Variants in RAF1 observed in about 807,000 individuals in gnomAD.
The protein encoded by RAF1 is RAF proto-oncogene serine/threonine-protein kinase.
RAF1 carries 27 observed loss-of-function variants against 81.1 expected under a neutral mutation model. The ratio of observed to expected loss-of-function variants is 0.33; its 90% confidence interval spans 0.25 to 0.46. The LOEUF is 0.46. Ranked by LOEUF, RAF1 falls within the 20% of genes least tolerant of loss-of-function variation. The probability of loss-of-function intolerance (pLI) is 1.00; values close to 1 mark genes in which losing one functional copy is unlikely to be tolerated. For missense variants in RAF1, 598 were observed against 826.0 expected, an observed-to-expected ratio of 0.72 and a Z score of 3.38; for synonymous variants, 298 against 294.0, an observed-to-expected ratio of 1.01 and a Z score of -0.14.
At chr3:12,610,193 A>C (rs1396523647) in intron 3 of RAF1, among the ~76,000 whole-genome samples, 1 of 152,226 alleles carries the variant, frequency 6.6e-6, no homozygotes, top group African/African-American at 2.4e-5. Context: ...TTCCAAAGGA[A>C]GAATATTCTC....
intron 1 of RAF1, among the ~76,000 whole-genome samples, chr3:12,620,558 T>C (rs1298280211): frequency 2.0e-5 from 3 of 152,046 alleles, no homozygotes; most frequent in African/African-American, 7.2e-5. Flanking sequence ...GCAGCTTCAA[T>C]TTTCCAGGCT....
chr3:12,583,813 C>T lies in RAF1; in HGVS notation c.*701G>A, dbSNP rs1189279296. On this transcript the variant is annotated 3_prime_UTR_variant, in exon 18 of 18. Coordinates refer to ENST00000442415, the MANE Select transcript of RAF1 (RefSeq NM_001354689.3). Reference sequence around the variant, plus strand: ...AGAAACAAGGCTGGCCCTGCGGCCCCGCCCCATAGGGGCAGCTCCTGGAAG... The same window carrying T: ...AGAAACAAGGCTGGCCCTGCGGCCCTGCCCCATAGGGGCAGCTCCTGGAAG... The T allele has an allele frequency of 3.9e-5, 9 of 233,638 alleles. No individual in the cohort carries two copies. Among genetic ancestry groups the T allele is most frequent in the Non-Finnish European group, 7.6e-5 (9 of 118,388 alleles). The allele number at this position is 233,638 out of a possible 1,614,324, so 14.5% of individuals were successfully genotyped here. A position where few individuals can be genotyped will look rare whatever the true frequency, so the allele number is the denominator to read the frequency against.
chr3:12,587,154 A>G (rs1314554325), intron 14 of RAF1: 2 of 178,024 alleles, frequency 1.1e-5, no homozygotes, highest in East Asian at 3.0e-4. Context: ...TTAATTAGTG[A>G]TTTTGGAAAC....
chr3:12,645,081 G>C (rs1475879665), intron 1 of RAF1, among the ~76,000 whole-genome samples: 2 of 128,488 alleles, frequency 1.6e-5, no homozygotes, highest in African/African-American at 6.2e-5. Flanking sequence ...CCTGGTGACA[G>C]AGCGAGACTC....
intron 1 of RAF1, among the ~76,000 whole-genome samples, chr3:12,657,976 G>A (rs1340630487): frequency 1.3e-5 from 2 of 151,972 alleles, no homozygotes; most frequent in African/African-American, 2.4e-5. Context: ...TCCTATTCTG[G>A]ACATTACATA....
chr3:12,623,003 T>TA lies in RAF1; in HGVS notation c.-26-4257dup, dbSNP rs906661079. Among the ~76,000 whole-genome samples, 21 of 151,070 alleles carry TA rather than the reference T, an allele frequency of 1.4e-4. 1 individual carries two copies. Among genetic ancestry groups the TA allele is most frequent in the South Asian group, 1.3e-3 (6 of 4,792 alleles). On this transcript the variant is annotated intron_variant, in intron 1 of 17. Transcript: ENST00000442415. ...CACAGCAAGACCCCATTTCTAAATT[T>TA]AAAAAAAAAATTTTAATTACAAAAA...
intron 11 of RAF1, 87 bp from the exon 11 acceptor site, chr3:12,591,879 A>G (rs1007773877): frequency 1.9e-6 from 2 of 1,054,932 alleles, no homozygotes; most frequent in Non-Finnish European, 3.0e-6. Flanking sequence ...ACAGTGAATC[A>G]TTTATCCAAA....
intron 1 of RAF1, among the ~76,000 whole-genome samples, chr3:12,631,477 T>TA (rs1367685440): frequency 3.9e-5 from 6 of 152,120 alleles, no homozygotes; most frequent in Non-Finnish European, 5.9e-5. Context: ...CGGGCGCCTG[T>TA]AGCCCCAGCT....
intron 11 of RAF1, among the ~76,000 whole-genome samples, chr3:12,593,430 G>A (rs746891831): frequency 5.2e-5 from 7 of 134,022 alleles, no homozygotes; most frequent in South Asian, 2.6e-4. Flanking sequence ...TGGTCCTCAC[G>A]ATAGGCCCAA....
intron 1 of RAF1, among the ~76,000 whole-genome samples, chr3:12,642,266 C>T (rs973333913): frequency 1.3e-5 from 2 of 150,178 alleles, no homozygotes; most frequent in Admixed American, 6.7e-5. Context: ...CTGGCTAACA[C>T]GGTGAAACCC....
Position 12,585,263 on chromosome 3 carries a change from T to C in RAF1, c.1597-10A>G. ...GGATCACCTCTGGGGCCTACATGTA[T>C]CACCATATGACAAAAGTGCATTTAT... On this transcript the variant is annotated splice_polypyrimidine_tract_variant and intron_variant, in intron 15 of 17. Coordinates refer to ENST00000442415, the MANE Select transcript of RAF1 (RefSeq NM_001354689.3). 6.2e-7 allele frequency: 1 copy of C among 1,613,954 alleles called. No homozygotes were observed. The highest frequency in any genetic ancestry group is 8.5e-7 in the Non-Finnish European group (1 of 1,180,002).
rs748933387 is a variant in RAF1 at position 12,618,741 on chromosome 3, C to T, written c.-20G>A. On this transcript the variant is annotated 5_prime_UTR_variant, in exon 2 of 18. Coordinates refer to ENST00000442415, the MANE Select transcript of RAF1 (RefSeq NM_001354689.3). Reference sequence around the variant, plus strand: ...CTCCATTGATGCAGCTTAAACAATTCTTAAACCTGGTAAGAAACACAAATA... The same window carrying T: ...CTCCATTGATGCAGCTTAAACAATTTTTAAACCTGGTAAGAAACACAAATA... 9.9e-6 allele frequency: 16 copies of T among 1,611,738 alleles called. No homozygotes were observed. Among genetic ancestry groups the T allele is most frequent in the Non-Finnish European group, 1.2e-5 (14 of 1,178,164 alleles).
chr3:12,647,128 C>G (rs1456179852), intron 1 of RAF1, among the ~76,000 whole-genome samples: 1 of 151,460 alleles, frequency 6.6e-6, no homozygotes, highest in African/African-American at 2.4e-5. Context: ...AACCCCGTCT[C>G]TACTAAAAAT....
At chr3:12,662,248 C>T (rs2060901262) in intron 1 of RAF1, among the ~76,000 whole-genome samples, 1 of 146,936 alleles carries the variant, frequency 6.8e-6, no homozygotes, top group African/African-American at 2.5e-5. Flanking sequence ...GGCAGGAGAA[C>T]TGCTTAAGCC....
At chr3:12,586,384 T>TA (rs761942062) in intron 14 of RAF1, among the ~76,000 whole-genome samples, 1 of 152,060 alleles carries the variant, frequency 6.6e-6, no homozygotes, top group East Asian at 1.9e-4. Flanking sequence ...GTCATACAGT[T>TA]TAAGTCAAAC....
chr3:12,642,012 G>C (rs1419029283), intron 1 of RAF1, among the ~76,000 whole-genome samples: 1 of 151,968 alleles, frequency 6.6e-6, no homozygotes, highest in Non-Finnish European at 1.5e-5. Flanking sequence ...GCTGGGCATA[G>C]TGGCAGGCAC....
In RAF1 at chr3:12,620,051, C is replaced by T. The variant is rs1289547217; in HGVS notation, c.-26-1304G>A. 2.0e-5 allele frequency among the ~76,000 whole-genome samples: 3 copies of T among 152,112 alleles called. No homozygotes were observed. The East Asian group carries it at 5.8e-4, about 29-fold the overall frequency. ...GAGCTGAGATCGCACCACTGCACTCCAGCCTGGGGGACAGAGCAAGACTCC... is the reference window on the plus strand; with the variant it reads ...GAGCTGAGATCGCACCACTGCACTCTAGCCTGGGGGACAGAGCAAGACTCC... On this transcript the variant is annotated intron_variant, in intron 1 of 17. Transcript: ENST00000442415.
At chr3:12,654,533 T>A (rs2125575321) in intron 1 of RAF1, among the ~76,000 whole-genome samples, 1 of 151,220 alleles carries the variant, frequency 6.6e-6, no homozygotes, top group African/African-American at 2.4e-5. Context: ...GCCTGGGAGG[T>A]CAAGGCTACG....
At chr3:12,638,300 T>C (rs567962098) in intron 1 of RAF1, among the ~76,000 whole-genome samples, 13 of 152,310 alleles carry the variant, frequency 8.5e-5, no homozygotes, top group African/African-American at 3.1e-4. Flanking sequence ...ACAAAAGTTA[T>C]CAGTGCAGTC....
Sources: gnomAD v4.1 joint callset for allele counts (sites outside exome capture counted in the v4.1 genomes callset) on GRCh38, gnomAD v4.1.1 for gene constraint, MANE v1.5 for transcripts, NCBI Gene and HGNC (gene_info 2026-07-23, HGNC 2026-07-21) for gene names.